Variants in RPSA2 observed in about 807,000 individuals in gnomAD.
The protein encoded by RPSA2 is small ribosomal subunit protein uS2B.
the RPSA2 span, among the ~76,000 whole-genome samples, chr19:23,795,799 A>G: frequency 6.6e-6 from 1 of 152,150 alleles, no homozygotes; most frequent in Non-Finnish European, 1.5e-5. Context: ...TTTTTGAGAT[A>G]GAGTCTCCCT....
the RPSA2 span, among the ~76,000 whole-genome samples, chr19:23,841,565 C>T: frequency 2.0e-5 from 3 of 152,212 alleles, no homozygotes; most frequent in East Asian, 1.9e-4. Flanking sequence ...TCCCCTGTCA[C>T]GCCAAGTGTC....
At chr19:23,778,995 C>CTTTTTTTT in the RPSA2 span, among the ~76,000 whole-genome samples, 47 of 80,692 alleles carry the variant, frequency 5.8e-4, 1 homozygote, top group Non-Finnish European at 6.3e-4. Flanking sequence ...TTTTGTGACA[C>CTTTTTTTT]TTTTTTTTTT....
At chr19:23,772,567 A>T in the RPSA2 span, among the ~76,000 whole-genome samples, 1 of 152,098 alleles carries the variant, frequency 6.6e-6, no homozygotes, top group Admixed American at 6.6e-5. Context: ...TGAAGGTCAT[A>T]AAGAATTGCC....
chr19:23,851,704 C>G, the RPSA2 span, among the ~76,000 whole-genome samples: 4 of 152,118 alleles, frequency 2.6e-5, no homozygotes, highest in Admixed American at 2.6e-4. Context: ...GTCTGTAGGA[C>G]CCACATAACC....
the RPSA2 span, among the ~76,000 whole-genome samples, chr19:23,777,641 C>A: frequency 6.6e-6 from 1 of 152,106 alleles, no homozygotes; most frequent in African/African-American, 2.4e-5. Context: ...TGACTTTCCT[C>A]TTCTGCCTGC....
the RPSA2 span, among the ~76,000 whole-genome samples, chr19:23,866,703 G>C: frequency 1.3e-5 from 2 of 152,094 alleles, no homozygotes; most frequent in South Asian, 4.1e-4. Flanking sequence ...CCCCACTTCA[G>C]GGGTGGGTCC....
chr19:23,857,632 A>G, the RPSA2 span, among the ~76,000 whole-genome samples: 1 of 148,096 alleles, frequency 6.8e-6, no homozygotes, highest in East Asian at 2.0e-4. Flanking sequence ...TTGGGATTAC[A>G]GGTGCCCACC....
At chr19:23,845,531 A>G in the RPSA2 span, among the ~76,000 whole-genome samples, 30 of 152,200 alleles carry the variant, frequency 2.0e-4, no homozygotes, top group African/African-American at 7.2e-4. Context: ...TTACTCTGTC[A>G]CCTGGGCTGG....
chr19:23,829,354 G>A, the RPSA2 span, among the ~76,000 whole-genome samples: 4 of 152,128 alleles, frequency 2.6e-5, no homozygotes, highest in African/African-American at 7.2e-5. Context: ...ATGCTGGAGT[G>A]CAATGGCATT....
At chr19:23,837,064 G>A in the RPSA2 span, among the ~76,000 whole-genome samples, 1 of 152,100 alleles carries the variant, frequency 6.6e-6, no homozygotes, top group Non-Finnish European at 1.5e-5. Flanking sequence ...GCCAACCAAT[G>A]CCTAGAAGAG....
chr19:23,780,187 T>A, the RPSA2 span, among the ~76,000 whole-genome samples: 4 of 152,146 alleles, frequency 2.6e-5, no homozygotes, highest in Non-Finnish European at 5.9e-5. Context: ...GTATATTGTA[T>A]AAAGCACTCG....
chr19:23,845,950 A>T, the RPSA2 span, among the ~76,000 whole-genome samples: 1 of 152,098 alleles, frequency 6.6e-6, no homozygotes, highest in Non-Finnish European at 1.5e-5. Flanking sequence ...TTTTGGGAGT[A>T]CTTTGTTGAT....
At chr19:23,821,376 T>C in the RPSA2 span, among the ~76,000 whole-genome samples, 2 of 152,184 alleles carry the variant, frequency 1.3e-5, no homozygotes, top group Admixed American at 1.3e-4. Context: ...CTTTCACTCA[T>C]GGGCCTATAG....
At chr19:23,832,356 A>G in the RPSA2 span, 5 of 490,340 alleles carry the variant, frequency 1.0e-5, no homozygotes, top group African/African-American at 8.0e-5. Flanking sequence ...GCCTTACTGA[A>G]CATAGGAGAG....
chr19:23,851,085 G>A, the RPSA2 span, among the ~76,000 whole-genome samples: 1 of 152,132 alleles, frequency 6.6e-6, no homozygotes, highest in Admixed American at 6.5e-5. Flanking sequence ...TTTTAACATG[G>A]GCCTTGCCTT....
chr19:23,810,361 T>C, the RPSA2 span, among the ~76,000 whole-genome samples: 2 of 119,696 alleles, frequency 1.7e-5, no homozygotes, highest in Admixed American at 2.4e-4. Flanking sequence ...GCCACTGCAC[T>C]CCAGCCTGGG....
chr19:23,831,914 G>A, the RPSA2 span: 3 of 301,446 alleles, frequency 1.0e-5, no homozygotes, highest in Non-Finnish European at 2.1e-5. Context: ...AAATCATTTT[G>A]CATGCTTTCA....
chr19:23,777,780 C>G, the RPSA2 span, among the ~76,000 whole-genome samples: 1 of 152,180 alleles, frequency 6.6e-6, no homozygotes, highest in Non-Finnish European at 1.5e-5. Flanking sequence ...TGATGGAACT[C>G]TACCACCTGT....
the RPSA2 span, among the ~76,000 whole-genome samples, chr19:23,793,261 A>G: frequency 6.7e-6 from 1 of 148,772 alleles, no homozygotes; most frequent in Non-Finnish European, 1.5e-5. Flanking sequence ...AACACAAAGG[A>G]TGAGAATTTT....
Sources: allele counts gnomAD v4.1 joint callset (sites outside exome capture counted in the v4.1 genomes callset), GRCh38; gene constraint gnomAD v4.1.1; transcripts MANE v1.5; gene names NCBI Gene and HGNC (gene_info 2026-07-23, HGNC 2026-07-21).